The following ARID4A variants were observed in gnomAD, a reference collection of about 807,000 sequenced individuals.
ARID4A encodes the protein AT-rich interaction domain 4A.
In ARID4A, 39 loss-of-function variants were observed where a neutral mutation model predicts 148.6. The observed-to-expected ratio is 0.26, with a 90% CI of 0.20 to 0.34. ARID4A has a LOEUF of 0.34. Ranked by LOEUF, ARID4A falls within the 10% of genes least tolerant of loss-of-function variation. The pLI, the probability that ARID4A is intolerant of heterozygous loss-of-function variation, is 1.00. For missense variants in ARID4A, 1,265 were observed against 1,449.1 expected, an observed-to-expected ratio of 0.87 and a Z score of 2.06; for synonymous variants, 475 against 481.2, an observed-to-expected ratio of 0.99 and a Z score of 0.17.
chr14:58,351,963 C>G (rs1361931559), intron 16 of ARID4A, among the ~76,000 whole-genome samples: 1 of 152,082 alleles, frequency 6.6e-6, no homozygotes, highest in African/African-American at 2.4e-5. Context: ...GGCAGTCCAG[C>G]AAGATCAAGG....
chr14:58,360,429 A>G (rs1215675400), intron 18 of ARID4A, among the ~76,000 whole-genome samples: 2 of 152,180 alleles, frequency 1.3e-5, no homozygotes, highest in African/African-American at 2.4e-5. Context: ...TAAAACACAT[A>G]TATACTGGCC....
intron 7 of ARID4A, among the ~76,000 whole-genome samples, chr14:58,319,521 C>CTTTTTTTTTTT (rs71107934): frequency 3.2e-5 from 2 of 62,096 alleles, no homozygotes; most frequent in African/African-American, 1.3e-4. Flanking sequence ...TCTATATACT[C>CTTTTTTTTTTT]TTTTTTTTTT....
At chr14:58,336,369 A>G (rs1034049655) in intron 11 of ARID4A, among the ~76,000 whole-genome samples, 2 of 152,186 alleles carry the variant, frequency 1.3e-5, no homozygotes, top group South Asian at 2.1e-4. Context: ...ACAGTTCTTC[A>G]GAATTCCACT....
intron 5 of ARID4A, among the ~76,000 whole-genome samples, chr14:58,317,462 A>G (rs1328306617): frequency 1.3e-4 from 19 of 148,034 alleles, no homozygotes; most frequent in African/African-American, 1.2e-4. Flanking sequence ...TTTTTTTTGT[A>G]TTTTTAGTAG....
chr14:58,362,241 C>T (rs1265344179), intron 19 of ARID4A, among the ~76,000 whole-genome samples: 1 of 152,018 alleles, frequency 6.6e-6, no homozygotes, highest in South Asian at 2.1e-4. Flanking sequence ...ATATTTTATT[C>T]TGCTTGTACT....
chr14:58,342,372 G>A (rs892681537), intron 11 of ARID4A, among the ~76,000 whole-genome samples: 1 of 151,892 alleles, frequency 6.6e-6, no homozygotes, highest in Non-Finnish European at 1.5e-5. Context: ...AGTTTCTCGT[G>A]AAACCTAAAG....
intron 11 of ARID4A, among the ~76,000 whole-genome samples, chr14:58,339,265 C>T (rs564276974): frequency 1.3e-5 from 2 of 152,066 alleles, no homozygotes; most frequent in Non-Finnish European, 2.9e-5. Context: ...GCAGGAGCCA[C>T]TGAGCCTGAC....
intron 5 of ARID4A, among the ~76,000 whole-genome samples, chr14:58,313,391 C>T (rs922717321): frequency 6.6e-6 from 1 of 152,148 alleles, no homozygotes; most frequent in Non-Finnish European, 1.5e-5. Context: ...GTAGATCCCT[C>T]GCTTGTGCAG....
chr14:58,368,928 C>A (rs190730065), intron 23 of ARID4A, among the ~76,000 whole-genome samples: 1 of 152,032 alleles, frequency 6.6e-6, no homozygotes, highest in Non-Finnish European at 1.5e-5. Flanking sequence ...TAGGGATGTT[C>A]AATTTGTATC....
chr14:58,346,627 A>G, intron 13 of ARID4A, 122 bp downstream of exon 13: 1 of 674,510 alleles, frequency 1.5e-6, no homozygotes, highest in Non-Finnish European at 2.4e-6. Flanking sequence ...ATAGAATATT[A>G]GGATAAAGAT....
At chr14:58,316,022 T>A (rs1178029548) in intron 5 of ARID4A, among the ~76,000 whole-genome samples, 3 of 152,222 alleles carry the variant, frequency 2.0e-5, no homozygotes, top group Non-Finnish European at 4.4e-5. Flanking sequence ...ATATTTAACA[T>A]GTTGAAAGCT....
At chr14:58,316,613 TCTTGTTGTC>T (rs1428554752) in intron 5 of ARID4A, among the ~76,000 whole-genome samples, 2 of 152,124 alleles carry the variant, frequency 1.3e-5, no homozygotes, top group Non-Finnish European at 2.9e-5. Context: ...GAAGTTTTGC[TCTTGTTGTC>T]CAGGCTGGAG....
At chr14:58,321,364 A>G (rs1036845614) in intron 7 of ARID4A, among the ~76,000 whole-genome samples, 1 of 152,136 alleles carries the variant, frequency 6.6e-6, no homozygotes, top group Non-Finnish European at 1.5e-5. Flanking sequence ...TCCTAACGCT[A>G]TGGATTCTAA....
intron 18 of ARID4A, among the ~76,000 whole-genome samples, chr14:58,359,779 C>T (rs2035050501): frequency 6.6e-6 from 1 of 151,982 alleles, no homozygotes; most frequent in South Asian, 2.1e-4. Flanking sequence ...TTGTAATAAT[C>T]ATCTTGGCCG....
At chr14:58,313,766 C>T (rs1279386475) in intron 5 of ARID4A, among the ~76,000 whole-genome samples, 4 of 152,238 alleles carry the variant, frequency 2.6e-5, no homozygotes, top group African/African-American at 9.6e-5. Context: ...GTATAAGGTG[C>T]AGAGTCCCAT....
chr14:58,331,752 C>T (rs538371488), intron 11 of ARID4A, among the ~76,000 whole-genome samples: 17 of 152,124 alleles, frequency 1.1e-4, no homozygotes, highest in South Asian at 2.1e-4. Context: ...TGGCAAAATT[C>T]AGGATTTAAA....
In ARID4A at chr14:58,365,230, T is replaced by C. The variant is rs2035302727; in HGVS notation, c.3141T>C (p.Asn1047=). Residue 1047 remains asparagine (N), a synonymous_variant, in exon 20 of 24, where the codon AAT becomes AAC. Coordinates refer to ENST00000355431, the MANE Select transcript of ARID4A (RefSeq NM_002892.4). ...QEGLCERESA[N]GFETNVASGT... is the part of the protein sequence containing the mutation. Reference sequence around the variant, plus strand: ...GTCTCTGTGAGAGGGAATCGGCAAATGGATTTGAAACTAATGTTGCCTCTG... The same window carrying C: ...GTCTCTGTGAGAGGGAATCGGCAAACGGATTTGAAACTAATGTTGCCTCTG... The C allele has an allele frequency of 1.9e-6, 3 of 1,613,866 alleles. No individual in the cohort carries two copies. In the South Asian group the frequency reaches 3.3e-5, roughly 18 times the overall value.
At position 58,367,213 on chromosome 14, in the gene ARID4A, A is replaced by G. The variant is rs541072318; in HGVS notation, c.3670+184A>G. Among the ~76,000 whole-genome samples, 6 of 152,352 alleles carry G rather than the reference A, an allele frequency of 3.9e-5. No homozygotes were observed. The East Asian group carries it at 1.2e-3, about 29-fold the overall frequency. ...TGAGTTAATCAGAATGACACCCTTA[A>G]AAGGGAGTATGAACTGTTTTCCAAA... On this transcript the variant is annotated intron_variant, in intron 23 of 23. Transcript: ENST00000355431.
intron 4 of ARID4A, 37 bp downstream of exon 4, chr14:58,305,046 A>G: frequency 6.7e-7 from 1 of 1,483,568 alleles, no homozygotes; most frequent in African/African-American, 1.4e-5. Context: ...TGAAATAATC[A>G]TAGATTTATA....
Sources: allele counts gnomAD v4.1 joint callset (sites outside exome capture counted in the v4.1 genomes callset), GRCh38; gene constraint gnomAD v4.1.1; transcripts MANE v1.5; gene names NCBI Gene and HGNC (gene_info 2026-07-23, HGNC 2026-07-21).